Variants in SCAND3 observed in about 807,000 individuals in gnomAD.
The protein encoded by SCAND3 is SCAN domain-containing protein 3.
At chr6:28,589,858 T>TG in the SCAND3 span, 1 of 83,320 alleles carries the variant, frequency 1.2e-5, no homozygotes, top group South Asian at 3.6e-4. Context: ...TTTTGTTTGT[T>TG]TTTTTTTTTT....
At chr6:28,573,275 C>T in the SCAND3 span, 1 of 1,614,102 alleles carries the variant, frequency 6.2e-7, no homozygotes, top group Non-Finnish European at 8.5e-7. Context: ...GCTATGGTGT[C>T]ATTGGAAAGT....
At chr6:28,600,511 T>C in the SCAND3 span, among the ~76,000 whole-genome samples, 1 of 152,180 alleles carries the variant, frequency 6.6e-6, no homozygotes, top group Non-Finnish European at 1.5e-5. Context: ...TGCGTGACTG[T>C]AGTCGCAGCT....
At chr6:28,601,481 C>T in the SCAND3 span, among the ~76,000 whole-genome samples, 11 of 152,062 alleles carry the variant, frequency 7.2e-5, no homozygotes, top group African/African-American at 2.4e-4. Flanking sequence ...CTGTCAACTA[C>T]CTGTTTTTGT....
the SCAND3 span, among the ~76,000 whole-genome samples, chr6:28,604,585 C>T: frequency 1.0e-3 from 155 of 149,764 alleles, 1 homozygote; most frequent in African/African-American, 3.6e-3. Flanking sequence ...CACTGCACTC[C>T]AGCGTGGCTG....
At chr6:28,582,934 A>T in the SCAND3 span, among the ~76,000 whole-genome samples, 22 of 151,892 alleles carry the variant, frequency 1.4e-4, no homozygotes, top group African/African-American at 4.6e-4. This position sits in a 1 kb window ranked among gnomAD's most constrained non-coding sequence, Gnocchi z 4.8. Flanking sequence ...AAATAAAAAT[A>T]AAAATAAAAT....
the SCAND3 span, among the ~76,000 whole-genome samples, chr6:28,597,112 G>T: frequency 6.6e-6 from 1 of 152,150 alleles, no homozygotes; most frequent in African/African-American, 2.4e-5. Flanking sequence ...CTACCCAAAT[G>T]TTTCAACTGG....
At chr6:28,613,316 C>T in the SCAND3 span, among the ~76,000 whole-genome samples, 1 of 152,130 alleles carries the variant, frequency 6.6e-6, no homozygotes, top group Admixed American at 6.6e-5. Context: ...CTTCCAAATA[C>T]AGTATTTCCC....
At chr6:28,579,485 T>C in the SCAND3 span, 1 of 1,374,662 alleles carries the variant, frequency 7.3e-7, no homozygotes, top group Non-Finnish European at 1.0e-6. The surrounding 1 kb of genome is among the most constrained non-coding windows in gnomAD (Gnocchi z 4.5). Context: ...GCTAAACTTG[T>C]ATTCTTCCAC....
the SCAND3 span, among the ~76,000 whole-genome samples, chr6:28,614,424 G>A: frequency 3.2e-4 from 49 of 152,130 alleles, no homozygotes; most frequent in South Asian, 6.6e-3. Context: ...TTCAGGTAAG[G>A]AGTATATTTG....
the SCAND3 span, among the ~76,000 whole-genome samples, chr6:28,615,474 A>G: frequency 6.6e-6 from 1 of 151,878 alleles, no homozygotes; most frequent in Non-Finnish European, 1.5e-5. Context: ...TTAGTAGGGC[A>G]TGGTGGTGCG....
the SCAND3 span, among the ~76,000 whole-genome samples, chr6:28,608,732 C>A: frequency 6.6e-6 from 1 of 152,122 alleles, no homozygotes; most frequent in African/African-American, 2.4e-5. Context: ...GGCATGGTGG[C>A]TTACACCTGT....
At chr6:28,572,720 C>T in the SCAND3 span, 1 of 1,614,094 alleles carries the variant, frequency 6.2e-7, no homozygotes. This position sits in a 1 kb window ranked among gnomAD's most constrained non-coding sequence, Gnocchi z 4.1. Flanking sequence ...CGTATCTCAG[C>T]ATGCAGTAAC....
chr6:28,587,254 ACT>A, the SCAND3 span: 246 of 153,580 alleles, frequency 1.6e-3, no homozygotes, highest in African/African-American at 5.3e-3. Flanking sequence ...CGAGGGAAAC[ACT>A]CTACAGCTCA....
At chr6:28,579,434 G>A in the SCAND3 span, 1 of 1,601,724 alleles carries the variant, frequency 6.2e-7, no homozygotes, top group Non-Finnish European at 8.5e-7. The surrounding 1 kb of genome is among the most constrained non-coding windows in gnomAD (Gnocchi z 4.5). Flanking sequence ...GGACAAGTAG[G>A]TGCATTTGGT....
At chr6:28,575,416 G>C in the SCAND3 span, 1 of 1,613,948 alleles carries the variant, frequency 6.2e-7, no homozygotes, top group Non-Finnish European at 8.5e-7. The surrounding 1 kb of genome is among the most constrained non-coding windows in gnomAD (Gnocchi z 4.2). Flanking sequence ...GACACTGGGT[G>C]CTCCAATAAT....
chr6:28,592,381 AGAGAT>A, the SCAND3 span, among the ~76,000 whole-genome samples: 4 of 152,304 alleles, frequency 2.6e-5, no homozygotes, highest in East Asian at 7.7e-4. The surrounding 1 kb of genome is among the most constrained non-coding windows in gnomAD (Gnocchi z 4.1). Context: ...ATTTAACAAA[AGAGAT>A]GAAAGACCTG....
At chr6:28,601,194 G>A in the SCAND3 span, among the ~76,000 whole-genome samples, 1 of 151,842 alleles carries the variant, frequency 6.6e-6, no homozygotes, top group African/African-American at 2.4e-5. Context: ...CATGAGCCAC[G>A]GCGCCCGGCC....
At chr6:28,576,958 T>TA in the SCAND3 span, among the ~76,000 whole-genome samples, 3 of 151,934 alleles carry the variant, frequency 2.0e-5, no homozygotes, top group African/African-American at 4.8e-5. Context: ...AATAGATTTT[T>TA]AAAAAAATCT....
the SCAND3 span, chr6:28,591,109 C>T: frequency 1.3e-5 from 2 of 152,186 alleles, no homozygotes; most frequent in African/African-American, 4.8e-5. Flanking sequence ...TGATCACATC[C>T]ATCGTCAAGC....
Sources: allele counts gnomAD v4.1 joint callset (sites outside exome capture counted in the v4.1 genomes callset), GRCh38; gene constraint gnomAD v4.1.1; non-coding constraint Gnocchi (gnomAD v3.1); transcripts MANE v1.5; gene names NCBI Gene and HGNC (gene_info 2026-07-23, HGNC 2026-07-21).